The following PLXNA4 variants were observed in gnomAD, a reference collection of about 807,000 sequenced individuals.
PLXNA4 encodes plexin A4.
In PLXNA4, 44 loss-of-function variants were observed where a neutral mutation model predicts 191.8. That is an observed-to-expected ratio of 0.23 (90% CI 0.18 to 0.29). The LOEUF is 0.29. Among genes scored for constraint, PLXNA4 ranks in the 10% least tolerant of loss-of-function variants. The probability of loss-of-function intolerance (pLI) is 1.00; values close to 1 mark genes in which losing one functional copy is unlikely to be tolerated. For synonymous variants in PLXNA4, 1,082 were observed against 1,009.5 expected (o/e 1.07, Z -1.36); for missense variants, 1,800 against 2,488.8 (o/e 0.72, Z 5.89).
intron 3 of PLXNA4, among the ~76,000 whole-genome samples, chr7:132,408,136 GGTAA>G (rs1158663405): frequency 7.9e-5 from 12 of 151,972 alleles, no homozygotes; most frequent in Admixed American, 7.9e-4. Context: ...TAGGAGAGTG[GGTAA>G]GTAAACTACA....
At chr7:132,526,702 T>C (rs1799414850) in intron 1 of PLXNA4, among the ~76,000 whole-genome samples, 1 of 152,194 alleles carries the variant, frequency 6.6e-6, no homozygotes, top group African/African-American at 2.4e-5. Context: ...TTGTGAGGGT[T>C]GGACATGGCT....
chr7:132,523,699 G>C lies in PLXNA4; in HGVS notation c.-86-14920C>G, dbSNP rs140031199. On this transcript the variant is annotated intron_variant, in intron 1 of 31. Coordinates refer to ENST00000321063, the MANE Select transcript of PLXNA4 (RefSeq NM_020911.2). ...GTGGAAGAGGAGTTCACTGAGGAGT[G>C]ACAGCAGCCTGACTCAGGTGACAGT... is the stretch of plus-strand genomic sequence containing the variant. Among the ~76,000 whole-genome samples, 22 of 152,322 alleles carry C rather than the reference G, an allele frequency of 1.4e-4. 2 individuals carry two copies. In the East Asian group the frequency reaches 4.2e-3, roughly 29 times the overall value.
chr7:132,433,493 T>G (rs539307718), intron 3 of PLXNA4, among the ~76,000 whole-genome samples: 2 of 152,176 alleles, frequency 1.3e-5, no homozygotes, highest in Non-Finnish European at 2.9e-5. Flanking sequence ...TGTTCTAAGA[T>G]AGGGCGTCTT....
chr7:132,636,094 T>A (rs988758002), intron 2 of PLXNA4, among the ~76,000 whole-genome samples: 1 of 152,144 alleles, frequency 6.6e-6, no homozygotes, highest in Admixed American at 6.5e-5. Context: ...AGGAAAAGCA[T>A]CCACTATCTT....
At chr7:132,567,032 C>G (rs1039727068) in intron 1 of PLXNA4, among the ~76,000 whole-genome samples, 1 of 152,134 alleles carries the variant, frequency 6.6e-6, no homozygotes, top group African/African-American at 2.4e-5. Flanking sequence ...TCTATGGAAC[C>G]GTCTTTCCAG....
intron 1 of PLXNA4, among the ~76,000 whole-genome samples, chr7:132,513,379 A>G (rs1335808287): frequency 6.6e-6 from 1 of 152,192 alleles, no homozygotes; most frequent in East Asian, 1.9e-4. Context: ...TGAGGTATTT[A>G]TAAGTATGCC....
At chr7:132,361,000 T>A (rs9969337) in intron 3 of PLXNA4, among the ~76,000 whole-genome samples, 2 of 152,194 alleles carry the variant, frequency 1.3e-5, no homozygotes, top group Non-Finnish European at 2.9e-5. Context: ...TGAGTAAAAT[T>A]GATTGTATTA....
chr7:132,541,137 A>T (rs1429289718), intron 1 of PLXNA4, among the ~76,000 whole-genome samples: 1 of 152,242 alleles, frequency 6.6e-6, no homozygotes. Context: ...CACGATTCAC[A>T]GGTTTCCCGA....
intron 1 of PLXNA4, among the ~76,000 whole-genome samples, chr7:132,510,171 A>C (rs1038958332): frequency 6.6e-6 from 1 of 152,196 alleles, no homozygotes; most frequent in African/African-American, 2.4e-5. Context: ...ATCTGGGGGC[A>C]TCTCAGCTCT....
chr7:132,372,249 C>A (rs944677052), intron 3 of PLXNA4, among the ~76,000 whole-genome samples: 3 of 152,238 alleles, frequency 2.0e-5, no homozygotes, highest in Non-Finnish European at 4.4e-5. Context: ...CCAAAAGAAG[C>A]AGAAACAAAT....
chr7:132,146,308 T>C (rs1486605726), intron 28 of PLXNA4, among the ~76,000 whole-genome samples: 3 of 152,076 alleles, frequency 2.0e-5, no homozygotes, highest in African/African-American at 7.2e-5. Context: ...ACTGATGTAT[T>C]GGCAGGGTTT....
chr7:132,273,191 T>C (rs1176667232), intron 4 of PLXNA4, among the ~76,000 whole-genome samples: 1 of 152,134 alleles, frequency 6.6e-6, no homozygotes, highest in Non-Finnish European at 1.5e-5. Flanking sequence ...CTGAGTGATG[T>C]CTGTGTTTCT....
At chr7:132,342,950 A>AAAG (rs1213171080) in intron 3 of PLXNA4, among the ~76,000 whole-genome samples, 157 of 151,102 alleles carry the variant, frequency 1.0e-3, no homozygotes, top group Non-Finnish European at 1.9e-3. Flanking sequence ...CTGCCTCAAA[A>AAAG]AAAAAAAAAA....
At chr7:132,569,084 G>A (rs1386190354) in intron 1 of PLXNA4, among the ~76,000 whole-genome samples, 4 of 152,306 alleles carry the variant, frequency 2.6e-5, no homozygotes, top group South Asian at 2.1e-4. Flanking sequence ...CTCATGCCTC[G>A]TGGGGTGACT....
chr7:132,260,116 T>C (rs767614707), intron 4 of PLXNA4, among the ~76,000 whole-genome samples: 4 of 152,158 alleles, frequency 2.6e-5, no homozygotes, highest in African/African-American at 9.7e-5. Flanking sequence ...CTCAAAGAAC[T>C]TAAAACAGAA....
At chr7:132,165,360 A>C (rs1360658737) in intron 22 of PLXNA4, among the ~76,000 whole-genome samples, 160 bp from the exon 23 acceptor site, 1 of 152,232 alleles carries the variant, frequency 6.6e-6, no homozygotes, top group Non-Finnish European at 1.5e-5. Flanking sequence ...TGAGAGTTTC[A>C]TGGACTCCTA....
intron 14 of PLXNA4, among the ~76,000 whole-genome samples, chr7:132,190,568 C>A (rs1797053297): frequency 6.6e-6 from 1 of 152,234 alleles, no homozygotes; most frequent in African/African-American, 2.4e-5. Flanking sequence ...CCCCAGGAGA[C>A]TCTCCTGTGT....
intron 2 of PLXNA4, among the ~76,000 whole-genome samples, chr7:132,500,149 A>G (rs11772821): frequency 0.024 from 3,620 of 152,312 alleles, 76 homozygotes; most frequent in Non-Finnish European, 0.031. Context: ...TTGTCACCCA[A>G]ATGCATTATC....
intron 1 of PLXNA4, among the ~76,000 whole-genome samples, chr7:132,553,150 C>T (rs1359109816): frequency 6.6e-6 from 1 of 152,168 alleles, no homozygotes; most frequent in Non-Finnish European, 1.5e-5. Context: ...CATGGATGAT[C>T]TAGAAGCCTT....
Sources: allele counts gnomAD v4.1 joint callset (sites outside exome capture counted in the v4.1 genomes callset), GRCh38; gene constraint gnomAD v4.1.1; transcripts MANE v1.5; gene names NCBI Gene and HGNC (gene_info 2026-07-23, HGNC 2026-07-21).